PAH: variants seen among roughly 807,000 people sequenced by gnomAD.
PAH encodes the protein phenylalanine-4-hydroxylase.
In PAH, 64 loss-of-function variants were observed where a neutral mutation model predicts 62.0. The ratio of observed to expected loss-of-function variants is 1.03; its 90% confidence interval spans 0.84 to 1.27. The LOEUF (loss-of-function observed/expected upper bound fraction) is 1.27, where lower values mean the gene tolerates loss of function less well. PAH is among the 50% of genes most tolerant of loss of function. The pLI is 0.00. For synonymous variants in PAH, 195 were observed against 196.2 expected (o/e 0.99, Z 0.05); for missense variants, 579 against 542.8 (o/e 1.07, Z -0.66).
intron 4 of PAH, among the ~76,000 whole-genome samples, chr12:102,867,980 T>C (rs1262426454): frequency 5.3e-3 from 456 of 85,528 alleles, no homozygotes; most frequent in African/African-American, 0.01. Context: ...CATGTATATA[T>C]AGATGTATAT....
chr12:102,890,317 G>C (rs543874651), intron 3 of PAH, among the ~76,000 whole-genome samples: 1 of 152,274 alleles, frequency 6.6e-6, no homozygotes, highest in African/African-American at 2.4e-5. Context: ...CAAAGGTTCA[G>C]ATCTACTACA....
At chr12:102,864,464 G>T (rs770690220) in intron 5 of PAH, among the ~76,000 whole-genome samples, 1 of 152,048 alleles carries the variant, frequency 6.6e-6, no homozygotes, top group South Asian at 2.1e-4. Flanking sequence ...TGCTTTCCTG[G>T]GAAAAGCAGG....
intron 2 of PAH, among the ~76,000 whole-genome samples, chr12:102,908,837 CTT>C (rs3062641): frequency 5.0e-5 from 6 of 119,992 alleles, no homozygotes; most frequent in East Asian, 2.3e-4. Flanking sequence ...CCTCATGTCT[CTT>C]TTTTTTTTTT....
chr12:102,846,027 G>A (rs1454631059), intron 9 of PAH, among the ~76,000 whole-genome samples: 1 of 151,978 alleles, frequency 6.6e-6, no homozygotes, highest in Non-Finnish European at 1.5e-5. Context: ...GTAGCCTCTG[G>A]CATTTAAAAA....
At chr12:102,900,359 C>T (rs1271372803) in intron 2 of PAH, among the ~76,000 whole-genome samples, 1 of 152,044 alleles carries the variant, frequency 6.6e-6, no homozygotes, top group Non-Finnish European at 1.5e-5. Context: ...ACATTTATTA[C>T]TTTTATAATA....
chr12:102,891,435 A>C (rs1877269737), intron 3 of PAH, among the ~76,000 whole-genome samples: 1 of 152,168 alleles, frequency 6.6e-6, no homozygotes, highest in Middle Eastern at 3.2e-3. Flanking sequence ...GTCATTTTCC[A>C]GTTGCCAGAC....
Position 102,917,053 on chromosome 12 carries a change from C to T in PAH, c.60+18G>A. On this transcript the variant is annotated intron_variant, in intron 1 of 12. Coordinates refer to ENST00000553106, the MANE Select transcript of PAH (RefSeq NM_000277.3). ...CCCAAATTCCCCTAACTGAGCAGCT[C>T]AGGCTGCCGTGGCTCACCTGTCCAA... 1 of 1,613,648 alleles carries T rather than the reference C, an allele frequency of 6.2e-7. No individual in the cohort carries two copies. The highest frequency in any genetic ancestry group is 2.2e-5 in the East Asian group (1 of 44,884).
intron 2 of PAH, among the ~76,000 whole-genome samples, chr12:102,909,097 G>A (rs1878101947): frequency 6.6e-6 from 1 of 151,984 alleles, no homozygotes; most frequent in Non-Finnish European, 1.5e-5. Context: ...CAAAGTGCTG[G>A]GATTACAGAC....
At chr12:102,939,534 C>A (rs1225519313) in intron 1 of PAH, among the ~76,000 whole-genome samples, 5 of 152,154 alleles carry the variant, frequency 3.3e-5, no homozygotes, top group Non-Finnish European at 7.3e-5. Context: ...GGTACCTGCC[C>A]TTGCTGCTCT....
intron 2 of PAH, among the ~76,000 whole-genome samples, chr12:102,911,893 A>C (rs1213287025): frequency 6.6e-6 from 1 of 152,240 alleles, no homozygotes; most frequent in African/African-American, 2.4e-5. Context: ...CAGGAATCTT[A>C]GCATAAAGCA....
chr12:102,854,832 A>G, intron 6 of PAH: 2 of 423,198 alleles, frequency 4.7e-6, no homozygotes, highest in South Asian at 4.4e-5. Context: ...AACAAAACAA[A>G]AAAAAACCTC....
At chr12:102,890,672 C>T (rs1592976389) in intron 3 of PAH, among the ~76,000 whole-genome samples, 1 of 152,212 alleles carries the variant, frequency 6.6e-6, no homozygotes, top group South Asian at 2.1e-4. Flanking sequence ...CTTCAAATAT[C>T]AACAACTTTG....
chr12:102,925,163 A>C (rs886634989), intron 1 of PAH, among the ~76,000 whole-genome samples: 2 of 152,160 alleles, frequency 1.3e-5, no homozygotes, highest in Admixed American at 1.3e-4. Flanking sequence ...AAAGAAATGC[A>C]AGGAGAAGTA....
At chr12:102,854,711 C>T (rs189904533) in intron 6 of PAH, 181 of 276,932 alleles carry the variant, frequency 6.5e-4, no homozygotes, top group African/African-American at 3.7e-3. Context: ...ACCAGATGCA[C>T]AGACTCAGAG....
chr12:102,876,841 C>T (rs548489402), intron 4 of PAH, among the ~76,000 whole-genome samples: 9 of 152,156 alleles, frequency 5.9e-5, no homozygotes, highest in East Asian at 3.9e-4. Context: ...AGGCCCAGTC[C>T]GTGTTCCTCT....
At chr12:102,880,948 T>G (rs73389593) in intron 3 of PAH, among the ~76,000 whole-genome samples, 2,671 of 150,752 alleles carry the variant, frequency 0.018, 72 homozygotes, top group African/African-American at 0.062. Flanking sequence ...TACAATTGCA[T>G]AAAATTGTAT....
intron 1 of PAH, chr12:102,914,040 ACT>A: frequency 1.9e-6 from 1 of 516,208 alleles, no homozygotes; most frequent in East Asian, 3.1e-5. Flanking sequence ...GTGTTAGGAA[ACT>A]CTTAGTGACT....
intron 9 of PAH, among the ~76,000 whole-genome samples, chr12:102,845,013 A>G (rs1874775070): frequency 6.6e-6 from 1 of 152,052 alleles, no homozygotes; most frequent in African/African-American, 2.4e-5. Context: ...CTCTCTCTAT[A>G]TATATCTCAC....
intron 2 of PAH, among the ~76,000 whole-genome samples, chr12:102,895,869 A>AAAATATATATATATAT (rs953209518): frequency 4.2e-5 from 5 of 118,712 alleles, no homozygotes; most frequent in African/African-American, 1.8e-4. Flanking sequence ...AAAAAAAAAA[A>AAAATATATATATATAT]ATATATATAT....
Sources: gnomAD v4.1 joint callset for allele counts (sites outside exome capture counted in the v4.1 genomes callset) on GRCh38, gnomAD v4.1.1 for gene constraint, MANE v1.5 for transcripts, NCBI Gene and HGNC (gene_info 2026-07-23, HGNC 2026-07-21) for gene names.